Variants in ACBD6 observed in about 807,000 individuals in gnomAD.
The protein encoded by ACBD6 is acyl-CoA-binding domain-containing protein 6.
Under a neutral mutation model 37.2 loss-of-function variants are expected in ACBD6, and 28 were observed. The ratio of observed to expected loss-of-function variants is 0.75; its 90% confidence interval spans 0.56 to 1.03. The LOEUF is 1.03. Among genes scored for constraint, ACBD6 ranks in the 50% least tolerant of loss-of-function variants. The pLI is 0.00. For synonymous variants in ACBD6, 113 were observed against 126.8 expected, an observed-to-expected ratio of 0.89 and a Z score of 0.73; for missense variants, 340 against 337.4, an observed-to-expected ratio of 1.01 and a Z score of -0.06.
At chr1:180,341,929 T>C (rs1651998564) in intron 6 of ACBD6, among the ~76,000 whole-genome samples, 1 of 152,132 alleles carries the variant, frequency 6.6e-6, no homozygotes, top group Admixed American at 6.6e-5. Flanking sequence ...ACTAAAATCA[T>C]GGTTACTTAT....
At chr1:180,368,088 C>T (rs2101911494) in intron 6 of ACBD6, among the ~76,000 whole-genome samples, 1 of 152,266 alleles carries the variant, frequency 6.6e-6, no homozygotes, top group Non-Finnish European at 1.5e-5. Context: ...GCTATTCTGA[C>T]TTGTGTGAGA....
chr1:180,377,470 T>C lies in ACBD6; in HGVS notation c.663+20046A>G, dbSNP rs118150472. Among the ~76,000 whole-genome samples, 5 of 152,304 alleles carry C rather than the reference T, an allele frequency of 3.3e-5. No homozygotes were observed. The East Asian group carries it at 9.6e-4, about 29-fold the overall frequency. Reference sequence around the variant, plus strand: ...GAACCAGTGATCCTTGGAGAAATGGTTGGTGCCAGGACTAGAGTAGGGAAA... The same window carrying C: ...GAACCAGTGATCCTTGGAGAAATGGCTGGTGCCAGGACTAGAGTAGGGAAA... On this transcript the variant is annotated intron_variant, in intron 6 of 7. Coordinates refer to ENST00000367595, the MANE Select transcript of ACBD6 (RefSeq NM_032360.4).
chr1:180,382,321 GAAA>G (rs1405726871), intron 6 of ACBD6, among the ~76,000 whole-genome samples: 1 of 151,510 alleles, frequency 6.6e-6, no homozygotes, highest in African/African-American at 2.4e-5. Context: ...GACTAACCAA[GAAA>G]AAAAGAGAGA....
At chr1:180,332,586 C>T (rs982227529) in intron 6 of ACBD6, among the ~76,000 whole-genome samples, 1 of 151,670 alleles carries the variant, frequency 6.6e-6, no homozygotes, top group African/African-American at 2.4e-5. Context: ...GAATCTAATG[C>T]CTGATGATCT....
intron 3 of ACBD6, among the ~76,000 whole-genome samples, chr1:180,464,089 C>G (rs2102046643): frequency 6.6e-6 from 1 of 152,270 alleles, no homozygotes; most frequent in South Asian, 2.1e-4. Flanking sequence ...AAACCCACAG[C>G]CAACATTATA....
chr1:180,316,152 G>A (rs74684602), intron 6 of ACBD6, among the ~76,000 whole-genome samples: 10,804 of 152,164 alleles, frequency 0.071, 417 homozygotes, highest in African/African-American at 0.11. Context: ...AATAGTATCT[G>A]AGTGATTCTT....
chr1:180,382,110 A>G (rs1653677206), intron 6 of ACBD6, among the ~76,000 whole-genome samples: 1 of 121,212 alleles, frequency 8.3e-6, no homozygotes, highest in Non-Finnish European at 1.7e-5. Flanking sequence ...ACAAGACTGC[A>G]TCTCAAAAAA....
At chr1:180,461,196 T>C (rs576796010) in intron 3 of ACBD6, among the ~76,000 whole-genome samples, 2 of 151,142 alleles carry the variant, frequency 1.3e-5, no homozygotes, top group East Asian at 3.9e-4. Flanking sequence ...CAGACAAAAA[T>C]AGAGAAAAAA....
chr1:180,426,546 C>A (rs949768836), intron 4 of ACBD6, among the ~76,000 whole-genome samples: 1 of 152,134 alleles, frequency 6.6e-6, no homozygotes, highest in African/African-American at 2.4e-5. Context: ...TTGTTACTCT[C>A]GTTTCTATAG....
downstream of ACBD6, among the ~76,000 whole-genome samples, chr1:180,285,469 T>C (rs753934589): frequency 6.6e-6 from 1 of 152,238 alleles, no homozygotes; most frequent in Non-Finnish European, 1.5e-5. Context: ...CTCATAAATA[T>C]TTAAACTCAA....
chr1:180,335,938 G>C (rs1220412415), intron 6 of ACBD6, among the ~76,000 whole-genome samples: 1 of 150,606 alleles, frequency 6.6e-6, no homozygotes, highest in Non-Finnish European at 1.5e-5. Flanking sequence ...ATGGTAAAGG[G>C]ATCAATTCAA....
intron 6 of ACBD6, among the ~76,000 whole-genome samples, chr1:180,348,456 C>T (rs1432243692): frequency 6.6e-6 from 1 of 152,108 alleles, no homozygotes; most frequent in Non-Finnish European, 1.5e-5. Context: ...ATCAGGAGAA[C>T]TGAGGAAATG....
At chr1:180,489,369 C>T (rs892071998) in intron 3 of ACBD6, among the ~76,000 whole-genome samples, 1 of 150,994 alleles carries the variant, frequency 6.6e-6, no homozygotes. Flanking sequence ...CAAAGGGGAC[C>T]AGCTCAGTGT....
At chr1:180,456,556 A>C (rs190604655) in intron 3 of ACBD6, among the ~76,000 whole-genome samples, 96 of 152,304 alleles carry the variant, frequency 6.3e-4, no homozygotes, top group Non-Finnish European at 1.0e-3. Context: ...GAAAAGTGTA[A>C]ACGTGATAGT....
intron 4 of ACBD6, among the ~76,000 whole-genome samples, chr1:180,413,731 T>C (rs895230206): frequency 6.6e-6 from 1 of 152,124 alleles, no homozygotes; most frequent in Non-Finnish European, 1.5e-5. Flanking sequence ...AAAGTGATTT[T>C]CTTAAAGCAA....
At chr1:180,443,128 C>T (rs1406922896) in intron 3 of ACBD6, among the ~76,000 whole-genome samples, 1 of 152,102 alleles carries the variant, frequency 6.6e-6, no homozygotes, top group Non-Finnish European at 1.5e-5. Flanking sequence ...TTTTGGCATG[C>T]ATTAAGTTAC....
rs187934223 is a variant in ACBD6, at chr1:180,469,249, C to T, written c.384+23020G>A. ...AGTTCAACCCATCCCCTAACTCTCC[C>T]CCTTTTCATCTTTGCCATACTCCAA... On this transcript the variant is annotated intron_variant, in intron 3 of 7. Coordinates refer to ENST00000367595, the MANE Select transcript of ACBD6 (RefSeq NM_032360.4). Among the ~76,000 whole-genome samples, 596 of 152,222 alleles carry T rather than the reference C, an allele frequency of 3.9e-3. 5 individuals carry two copies. The highest frequency in any genetic ancestry group is 0.014 in the African/African-American group (566 of 41,528).
At chr1:180,474,191 A>C (rs1213978993) in intron 3 of ACBD6, among the ~76,000 whole-genome samples, 1 of 152,140 alleles carries the variant, frequency 6.6e-6, no homozygotes, top group Non-Finnish European at 1.5e-5. Context: ...ACGCAGGGAG[A>C]AATACAAGAA....
chr1:180,331,160 G>C (rs768946464), intron 6 of ACBD6, among the ~76,000 whole-genome samples: 28 of 152,060 alleles, frequency 1.8e-4, no homozygotes, highest in Non-Finnish European at 3.4e-4. Flanking sequence ...TAGCTTCTAG[G>C]GTCACACAAG....
Sources: allele counts gnomAD v4.1 joint callset (sites outside exome capture counted in the v4.1 genomes callset), GRCh38; gene constraint gnomAD v4.1.1; transcripts MANE v1.5; gene names NCBI Gene and HGNC (gene_info 2026-07-23, HGNC 2026-07-21).